Variants in FMNL2 observed in about 807,000 individuals in gnomAD.
FMNL2 encodes the protein formin-like protein 2.
FMNL2 carries 51 observed loss-of-function variants against 130.2 expected under a neutral mutation model. The observed-to-expected ratio is 0.39, with a 90% CI of 0.31 to 0.49. FMNL2 has a LOEUF of 0.49. FMNL2 is among the 20% of genes least tolerant of loss of function. The probability of loss-of-function intolerance (pLI) is 0.85; values close to 1 mark genes in which losing one functional copy is unlikely to be tolerated. For missense variants in FMNL2, 977 were observed against 1,316.2 expected (o/e 0.74, Z 3.99); for synonymous variants, 465 against 467.1 (o/e 1.00, Z 0.06).
intron 15 of FMNL2, among the ~76,000 whole-genome samples, chr2:152,623,716 A>G (rs1681536422): frequency 6.6e-6 from 1 of 152,120 alleles, no homozygotes; most frequent in Non-Finnish European, 1.5e-5. Context: ...GTAGTGTGGT[A>G]GGCTACCCAG....
At chr2:152,620,279 G>T (rs16831453) in intron 15 of FMNL2, among the ~76,000 whole-genome samples, 4 of 152,070 alleles carry the variant, frequency 2.6e-5, no homozygotes, top group Non-Finnish European at 5.9e-5. Context: ...GCCAACAGCC[G>T]TATTATCATG....
intron 25 of FMNL2, among the ~76,000 whole-genome samples, chr2:152,642,641 A>G (rs1014156947): frequency 1.3e-5 from 2 of 152,206 alleles, no homozygotes; most frequent in Non-Finnish European, 2.9e-5. Flanking sequence ...CTTCCTAGGT[A>G]AGCACTTTTT....
intron 1 of FMNL2, among the ~76,000 whole-genome samples, chr2:152,462,220 A>G: frequency 6.6e-6 from 1 of 152,128 alleles, no homozygotes; most frequent in East Asian, 1.9e-4. Flanking sequence ...ACTGAATTTT[A>G]ATCTTGTTTA....
chr2:152,518,673 C>T (rs967828753), intron 1 of FMNL2, among the ~76,000 whole-genome samples: 12 of 152,158 alleles, frequency 7.9e-5, no homozygotes, highest in African/African-American at 2.9e-4. Flanking sequence ...AAATCCTCCC[C>T]AGCCCTTAAG....
At chr2:152,527,726 A>AT (rs1303733923) in intron 2 of FMNL2, among the ~76,000 whole-genome samples, 1 of 152,146 alleles carries the variant, frequency 6.6e-6, no homozygotes, top group Non-Finnish European at 1.5e-5. Context: ...TTTGAGGCTC[A>AT]TATGATCACT....
chr2:152,578,069 G>A (rs1452392201), intron 7 of FMNL2, among the ~76,000 whole-genome samples: 3 of 152,196 alleles, frequency 2.0e-5, no homozygotes, highest in African/African-American at 7.2e-5. Context: ...TGGGATGGAG[G>A]AAGGACTCAT....
chr2:152,342,808 C>G (rs778546876), intron 1 of FMNL2, among the ~76,000 whole-genome samples: 9 of 152,122 alleles, frequency 5.9e-5, no homozygotes, highest in African/African-American at 9.7e-5. Flanking sequence ...AACCAAGGCC[C>G]GGAGATGTGG....
chr2:152,456,060 A>G (rs1230998746), intron 1 of FMNL2, among the ~76,000 whole-genome samples: 1 of 152,198 alleles, frequency 6.6e-6, no homozygotes, highest in African/African-American at 2.4e-5. Context: ...TTTCAGTGCA[A>G]TGTATGTCTT....
chr2:152,397,280 G>A (rs922469850), intron 1 of FMNL2, among the ~76,000 whole-genome samples: 18 of 152,056 alleles, frequency 1.2e-4, no homozygotes, highest in African/African-American at 4.4e-4. Flanking sequence ...GGTTCACCTG[G>A]GTAATTTGCA....
intron 6 of FMNL2, among the ~76,000 whole-genome samples, chr2:152,564,097 T>C (rs148179642): frequency 7.7e-4 from 117 of 152,306 alleles, no homozygotes; most frequent in African/African-American, 2.6e-3. Flanking sequence ...TGTTATCATA[T>C]TATGATTCCT....
At position 152,446,179 on chromosome 2, in the gene FMNL2, G is replaced by A. The variant is rs527327503; in HGVS notation, c.118-75764G>A. 2.8e-4 allele frequency among the ~76,000 whole-genome samples: 42 copies of A among 152,308 alleles called. 1 individual carries two copies. In the South Asian group the frequency reaches 7.9e-3, roughly 29 times the overall value. ...GTGATTTCTGTGTCCATGCTGGCTA[G>A]CCTGGGCTCAGAGGGACTGTCCCTA... On this transcript the variant is annotated intron_variant, in intron 1 of 25. Transcript: ENST00000288670.
intron 1 of FMNL2, among the ~76,000 whole-genome samples, chr2:152,408,563 T>C (rs986269586): frequency 1.3e-5 from 2 of 152,212 alleles, no homozygotes; most frequent in African/African-American, 4.8e-5. Flanking sequence ...GAAATACAGA[T>C]GCTCCTAGAC....
At chr2:152,587,926 A>G (rs1341212761) in intron 9 of FMNL2, among the ~76,000 whole-genome samples, 3 of 152,260 alleles carry the variant, frequency 2.0e-5, no homozygotes, top group Non-Finnish European at 2.9e-5. Flanking sequence ...AGGTAATTGC[A>G]AGATGCTCTG....
chr2:152,583,883 T>C (rs1443516918), intron 9 of FMNL2, among the ~76,000 whole-genome samples: 9 of 152,160 alleles, frequency 5.9e-5, no homozygotes, highest in Admixed American at 5.2e-4. Flanking sequence ...CTAAAAACCA[T>C]ATAGACAGAC....
At chr2:152,451,799 C>T (rs1032674438) in intron 1 of FMNL2, among the ~76,000 whole-genome samples, 2 of 152,128 alleles carry the variant, frequency 1.3e-5, no homozygotes, top group African/African-American at 4.8e-5. Flanking sequence ...CACTGGATTC[C>T]TCTTTCTACA....
intron 1 of FMNL2, among the ~76,000 whole-genome samples, chr2:152,481,949 C>A (rs1302934057): frequency 1.3e-5 from 2 of 152,188 alleles, no homozygotes; most frequent in African/African-American, 4.8e-5. Context: ...TTAAATCACA[C>A]TGCCTCAGTC....
At chr2:152,478,291 C>T (rs1157099337) in intron 1 of FMNL2, among the ~76,000 whole-genome samples, 3 of 140,890 alleles carry the variant, frequency 2.1e-5, no homozygotes, top group African/African-American at 7.9e-5. Context: ...TACTGTGTCG[C>T]CCAGGCTGGA....
At chr2:152,352,785 T>C (rs755545468) in intron 1 of FMNL2, among the ~76,000 whole-genome samples, 2 of 152,160 alleles carry the variant, frequency 1.3e-5, no homozygotes, top group Non-Finnish European at 2.9e-5. Context: ...CAACTGTCTC[T>C]GAACCTTTGT....
intron 1 of FMNL2, among the ~76,000 whole-genome samples, chr2:152,344,814 G>A: frequency 6.6e-6 from 1 of 152,146 alleles, no homozygotes. Flanking sequence ...GCTTCCTGTA[G>A]TGAAATTCAA....
Sources: gnomAD v4.1 joint callset for allele counts (sites outside exome capture counted in the v4.1 genomes callset) on GRCh38, gnomAD v4.1.1 for gene constraint, MANE v1.5 for transcripts, NCBI Gene and HGNC (gene_info 2026-07-23, HGNC 2026-07-21) for gene names.